The following RAPGEF2 variants were observed in gnomAD, a reference collection of about 807,000 sequenced individuals.
RAPGEF2 encodes the protein Rap guanine nucleotide exchange factor 2, also known as PDZ domain containing guanine nucleotide exchange factor (GEF) 1.
RAPGEF2 carries 54 observed loss-of-function variants against 186.7 expected under a neutral mutation model. The ratio of observed to expected loss-of-function variants is 0.29; its 90% CI spans 0.23 to 0.36. The LOEUF (loss-of-function observed/expected upper bound fraction) is 0.36. Among genes scored for constraint, RAPGEF2 ranks in the 10% least tolerant of loss-of-function variants. RAPGEF2 has a pLI of 1.00. For synonymous variants in RAPGEF2, 712 were observed against 705.9 expected, an observed-to-expected ratio of 1.01 and a Z score of -0.14; for missense variants, 1,532 against 2,045.0, an observed-to-expected ratio of 0.75 and a Z score of 4.84.
chr4:159,267,074 A>G (rs1757520033), intron 7 of RAPGEF2: 5 of 887,506 alleles, frequency 5.6e-6, no homozygotes, highest in Non-Finnish European at 7.5e-6. Flanking sequence ...TGAATATTTC[A>G]GTGTGTATAG....
At chr4:159,175,706 A>G (rs539049073) in intron 1 of RAPGEF2, among the ~76,000 whole-genome samples, 2 of 152,346 alleles carry the variant, frequency 1.3e-5, no homozygotes, top group Non-Finnish European at 2.9e-5. Flanking sequence ...CGGTTGGTCC[A>G]GTCTGCCACC....
Position 159,104,147 on chromosome 4 carries a change from C to T in RAPGEF2, c.-16C>T. On this transcript the variant is annotated 5_prime_UTR_variant, in exon 1 of 30. Transcript: ENST00000691494. Reference sequence around the variant, plus strand: ...GCCAGGGTGCGGAGCGGCCCCGGCCCGCTCCCAGAGGGGAGATGGCGTCCT... The same window carrying T: ...GCCAGGGTGCGGAGCGGCCCCGGCCTGCTCCCAGAGGGGAGATGGCGTCCT... 1.3e-6 allele frequency: 2 copies of T among 1,516,318 alleles called. No homozygotes were observed. The highest frequency in any genetic ancestry group is 8.8e-7 in the Non-Finnish European group (1 of 1,135,844). 93.9% of individuals were successfully genotyped at this position (1,516,318 alleles called of 1,614,324 possible). A position where few individuals can be genotyped will look rare whatever the true frequency, so the allele number is the denominator to read the frequency against.
intron 25 of RAPGEF2, among the ~76,000 whole-genome samples, chr4:159,347,655 G>A (rs1730521697): frequency 6.6e-6 from 1 of 152,094 alleles, no homozygotes; most frequent in South Asian, 2.1e-4. Context: ...GTGGTGGCGG[G>A]CGCCTGTAGT....
chr4:159,186,611 CTAAT>C (rs1216541029), intron 1 of RAPGEF2, 27 bp from the exon 2 acceptor site: 1 of 1,204,416 alleles, frequency 8.3e-7, no homozygotes, highest in South Asian at 1.6e-5. Context: ...CCTGACAGGT[CTAAT>C]AATTTCTATT....
intron 7 of RAPGEF2, among the ~76,000 whole-genome samples, chr4:159,286,962 G>C (rs1339587754): frequency 6.6e-6 from 1 of 152,122 alleles, no homozygotes; most frequent in Non-Finnish European, 1.5e-5. Flanking sequence ...TCATCACTCT[G>C]TCTGTAATGT....
intron 7 of RAPGEF2, among the ~76,000 whole-genome samples, chr4:159,294,294 T>G (rs571968421): frequency 6.6e-6 from 1 of 152,192 alleles, no homozygotes; most frequent in East Asian, 1.9e-4. Context: ...CATACTCCAT[T>G]GAGCATTTCT....
intron 1 of RAPGEF2, among the ~76,000 whole-genome samples, chr4:159,170,701 T>C (rs1745821963): frequency 6.6e-6 from 1 of 152,204 alleles, no homozygotes; most frequent in Non-Finnish European, 1.5e-5. Flanking sequence ...CAGAAACTTT[T>C]TAGTTTGATG....
At chr4:159,187,959 A>G (rs917076457) in intron 2 of RAPGEF2, among the ~76,000 whole-genome samples, 13 of 152,236 alleles carry the variant, frequency 8.5e-5, no homozygotes, top group African/African-American at 3.1e-4. Context: ...GAGTACTTCT[A>G]AAATTAAATT....
At chr4:159,338,759 G>T (rs562006553) in intron 18 of RAPGEF2, among the ~76,000 whole-genome samples, 1 of 152,174 alleles carries the variant, frequency 6.6e-6, no homozygotes, top group South Asian at 2.1e-4. Context: ...ATATCAAATA[G>T]ATAGAGTAAG....
intron 1 of RAPGEF2, among the ~76,000 whole-genome samples, chr4:159,118,023 T>A (rs990423253): frequency 1.3e-5 from 2 of 152,142 alleles, no homozygotes; most frequent in Admixed American, 1.3e-4. Context: ...ATATTACCAA[T>A]CTCCTATAAT....
At chr4:159,131,675 T>C (rs1741126285) in intron 1 of RAPGEF2, among the ~76,000 whole-genome samples, 1 of 151,940 alleles carries the variant, frequency 6.6e-6, no homozygotes, top group Non-Finnish European at 1.5e-5. Flanking sequence ...TAGAGAACTT[T>C]GGGCTTGATT....
intron 1 of RAPGEF2, among the ~76,000 whole-genome samples, chr4:159,160,803 A>G (rs1744632829): frequency 6.6e-6 from 1 of 152,170 alleles, no homozygotes; most frequent in Non-Finnish European, 1.5e-5. Flanking sequence ...TTTCTCTTCC[A>G]CAATGAAATT....
At chr4:159,253,606 A>G (rs1343021627) in intron 7 of RAPGEF2, among the ~76,000 whole-genome samples, 1 of 151,978 alleles carries the variant, frequency 6.6e-6, no homozygotes, top group Non-Finnish European at 1.5e-5. Context: ...TTTTTAGAAA[A>G]TACCTGCCAG....
chr4:159,229,071 G>T (rs1393646426), intron 4 of RAPGEF2, among the ~76,000 whole-genome samples: 1 of 152,094 alleles, frequency 6.6e-6, no homozygotes, highest in Non-Finnish European at 1.5e-5. Flanking sequence ...CAGTTACTTA[G>T]ATTTTTTTAA....
At position 159,274,087 on chromosome 4, in the gene RAPGEF2, G is replaced by A. The variant is rs181572294; in HGVS notation, c.544-30255G>A. 1.1e-4 allele frequency among the ~76,000 whole-genome samples: 17 copies of A among 152,186 alleles called. 1 individual carries two copies. In the East Asian group the frequency reaches 1.7e-3, roughly 16 times the overall value. ...GATTACAGGCTGAGCCACCACGCCC[G>A]GCCCTAACATTTCTTTAATCTGCCT... On this transcript the variant is annotated intron_variant, in intron 7 of 29. Coordinates refer to ENST00000691494, the MANE Select transcript of RAPGEF2 (RefSeq NM_001394067.2).
intron 1 of RAPGEF2, among the ~76,000 whole-genome samples, chr4:159,143,284 GA>G (rs1322482173): frequency 1.3e-5 from 2 of 151,652 alleles, no homozygotes; most frequent in African/African-American, 2.4e-5. Flanking sequence ...CCAAAAAAAC[GA>G]AAAAAACTTT....
chr4:159,215,454 A>G lies in RAPGEF2; in HGVS notation c.281+4871A>G, dbSNP rs183480093. Among the ~76,000 whole-genome samples the G allele has an allele frequency of 1.1e-3, 169 of 152,328 alleles. 1 individual carries two copies. The highest frequency in any genetic ancestry group is 3.9e-3 in the African/African-American group (161 of 41,558). On this transcript the variant is annotated intron_variant, in intron 4 of 29. Transcript: ENST00000691494. Reference sequence around the variant, plus strand: ...TGACCTCCCAAAGTTCTGGGATTACAGGCATGAGCCACTGCACCTGGCCTG... The same window carrying G: ...TGACCTCCCAAAGTTCTGGGATTACGGGCATGAGCCACTGCACCTGGCCTG...
In RAPGEF2 at chr4:159,339,217, C is replaced by A. The variant is rs1490168960; in HGVS notation, c.2397C>A (p.Ile799=). 1 of 1,614,126 alleles carries A rather than the reference C, an allele frequency of 6.2e-7. No homozygotes were observed. Among genetic ancestry groups the A allele is most frequent in the Non-Finnish European group, 8.5e-7 (1 of 1,180,012 alleles). Residue 799 remains isoleucine (I), a synonymous_variant, in exon 19 of 30, where the codon ATC becomes ATA. Coordinates refer to ENST00000691494, the MANE Select transcript of RAPGEF2 (RefSeq NM_001394067.2). ...CAAAGGAAGTGGTCATTCAGGCTATCAGGGAGTTTGCTGTTACTGCCACCC... is the reference window on the plus strand; with the variant it reads ...CAAAGGAAGTGGTCATTCAGGCTATAAGGGAGTTTGCTGTTACTGCCACCC... ...TTAKEVVIQA[I]REFAVTATPD...
chr4:159,209,049 C>T (rs1342897710), intron 3 of RAPGEF2, among the ~76,000 whole-genome samples: 2 of 152,084 alleles, frequency 1.3e-5, no homozygotes, highest in African/African-American at 2.4e-5. Context: ...AGCCACCACA[C>T]TGGCTAATTT....
Sources: gnomAD v4.1 joint callset for allele counts (sites outside exome capture counted in the v4.1 genomes callset) on GRCh38, gnomAD v4.1.1 for gene constraint, MANE v1.5 for transcripts, NCBI Gene and HGNC (gene_info 2026-07-23, HGNC 2026-07-21) for gene names.